Variants in ELOA observed in about 807,000 individuals in gnomAD.
ELOA encodes elongin-A.
In ELOA, 15 loss-of-function variants were observed where a neutral mutation model predicts 85.2. The ratio of observed to expected loss-of-function variants is 0.18; its 90% CI spans 0.12 to 0.27. The LOEUF is 0.27. Ranked by LOEUF, ELOA falls within the 10% of genes least tolerant of loss-of-function variation. The pLI is 1.00. For synonymous variants in ELOA, 348 were observed against 357.2 expected (o/e 0.97, Z 0.29); for missense variants, 769 against 952.7 (o/e 0.81, Z 2.54).
intron 1 of ELOA, among the ~76,000 whole-genome samples, chr1:23,748,182 T>C (rs1244969992): frequency 6.6e-6 from 1 of 152,210 alleles, no homozygotes; most frequent in East Asian, 1.9e-4. Flanking sequence ...CTAGACACTA[T>C]GACTAAGGAC....
At chr1:23,749,708 T>A in intron 2 of ELOA, 134 bp from the exon 3 acceptor site, 1 of 698,070 alleles carries the variant, frequency 1.4e-6, no homozygotes, top group Non-Finnish European at 2.4e-6. Context: ...AGTAATTTAG[T>A]GTTAAGATTT....
rs1380438148 is a variant in ELOA, at chr1:23,761,903, A to G, written c.*2330A>G. The G allele has an allele frequency of 6.6e-6, 1 of 152,158 alleles. No individual in the cohort carries two copies. The highest frequency in any genetic ancestry group is 1.9e-4 in the East Asian group (1 of 5,192). 9.4% of individuals were successfully genotyped at this position (152,158 alleles called of 1,614,324 possible). Reference sequence around the variant, plus strand: ...CTTTCTGGGAAGCGGGAGGGAAAGGAGCAAGGTGTCATCCTGCTCTTCATT... The same window carrying G: ...CTTTCTGGGAAGCGGGAGGGAAAGGGGCAAGGTGTCATCCTGCTCTTCATT... On this transcript the variant is annotated 3_prime_UTR_variant, in exon 11 of 11. Coordinates refer to ENST00000613537, the MANE Select transcript of ELOA (RefSeq NM_003198.3).
intron 1 of ELOA, among the ~76,000 whole-genome samples, chr1:23,747,551 C>T (rs1341093953): frequency 6.6e-6 from 1 of 152,158 alleles, no homozygotes; most frequent in Non-Finnish European, 1.5e-5. Context: ...TATGAGAGAA[C>T]CACTTGTTTT....
chr1:23,756,532 C>A, intron 9 of ELOA, 147 bp downstream of exon 9: 1 of 665,180 alleles, frequency 1.5e-6, no homozygotes, highest in Non-Finnish European at 2.5e-6. Flanking sequence ...GCACTTCCCT[C>A]ACCTCCCTCA....
chr1:23,759,204 A>G (rs1430619917), intron 10 of ELOA, among the ~76,000 whole-genome samples: 1 of 152,220 alleles, frequency 6.6e-6, no homozygotes, highest in East Asian at 1.9e-4. Flanking sequence ...AAAACAAGAA[A>G]GTCTGACAGA....
chr1:23,752,943 C>CA (rs1190281899), intron 5 of ELOA, among the ~76,000 whole-genome samples: 1 of 150,906 alleles, frequency 6.6e-6, no homozygotes, highest in Non-Finnish European at 1.5e-5. Context: ...AACTCTATTT[C>CA]AAAAAAAAGG....
chr1:23,750,771 G>T, intron 3 of ELOA, 74 bp from the exon 4 acceptor site: 2 of 1,393,288 alleles, frequency 1.4e-6, no homozygotes, highest in Non-Finnish European at 1.9e-6. Context: ...TCTTTGGTGA[G>T]TTCAGATTCT....
At position 23,750,849 on chromosome 1, in the gene ELOA, GCTGAGC is replaced by G; in HGVS notation, c.249_254del (p.Glu83_Pro84del). The G allele has an allele frequency of 6.4e-7, 1 of 1,573,204 alleles. No homozygotes were observed. Among genetic ancestry groups the G allele is most frequent in the Non-Finnish European group, 8.6e-7 (1 of 1,164,340 alleles). ...CTGCTTTTTCTTTTATTTTAGAAAT[GCTGAGC>G]CTGATGAACAGGACTTTGAGAAGAG... On this transcript the variant is annotated inframe_deletion, in exon 4 of 11. Transcript: ENST00000613537.
rs2124458433 is a variant in ELOA, at chr1:23,749,876, G to A, written c.167G>A (p.Arg56Gln). Residue 56 changes from arginine to glutamine, a missense_variant, in exon 3 of 11, where the codon CGA becomes CAA. By Grantham distance (43) the Arg-to-Gln change is conservative (BLOSUM62 1). Coordinates refer to ENST00000613537, the MANE Select transcript of ELOA (RefSeq NM_003198.3). ...GTTGGGAAAACAGTAAATAGCTTGC[G>A]AAAACACGAGCATGTTGGAAGCTTT... ...TGVGKTVNSL[R>Q]KHEHVGSFAR... 1.2e-6 allele frequency: 2 copies of A among 1,613,930 alleles called. No individual in the cohort carries two copies. The highest frequency in any genetic ancestry group is 2.2e-5 in the East Asian group (1 of 44,870).
At chr1:23,758,885 G>T (rs775180657) in intron 10 of ELOA, among the ~76,000 whole-genome samples, 5 of 152,126 alleles carry the variant, frequency 3.3e-5, no homozygotes, top group Admixed American at 1.3e-4. Context: ...GCAAAGTTAA[G>T]TTATGACTGA....
Position 23,759,762 on chromosome 1 carries a change from C to A in ELOA, c.*189C>A. On this transcript the variant is annotated 3_prime_UTR_variant, in exon 11 of 11. Coordinates refer to ENST00000613537, the MANE Select transcript of ELOA (RefSeq NM_003198.3). ...CAGCCCCGCCTCCCTGCCTGGAGCA[C>A]ACTTTAGAATTCTGAAGATGTGAAG... 1 of 607,936 alleles carries A rather than the reference C, an allele frequency of 1.6e-6. No individual in the cohort carries two copies. 37.7% of individuals were successfully genotyped at this position (607,936 alleles called of 1,614,324 possible).
At chr1:23,749,650 G>C (rs1644760338) in intron 2 of ELOA, among the ~76,000 whole-genome samples, 192 bp from the exon 3 acceptor site, 1 of 152,152 alleles carries the variant, frequency 6.6e-6, no homozygotes, top group South Asian at 2.1e-4. Context: ...TCTGAACTTG[G>C]TACGCTTTGC....
At chr1:23,749,579 T>C (rs1462014545) in intron 2 of ELOA, among the ~76,000 whole-genome samples, 3 of 152,202 alleles carry the variant, frequency 2.0e-5, no homozygotes, top group African/African-American at 7.2e-5. Context: ...GATTCAGAAC[T>C]GTATGCAAAG....
chr1:23,747,177 A>G (rs1440909438), intron 1 of ELOA, among the ~76,000 whole-genome samples: 2 of 152,156 alleles, frequency 1.3e-5, no homozygotes, highest in African/African-American at 4.8e-5. Flanking sequence ...CTCCTTTACT[A>G]TGTGGGTTCT....
rs1368791134 is a variant in ELOA, at chr1:23,743,598, G to A, written c.75+20G>A. The A allele has an allele frequency of 2.7e-6, 4 of 1,475,314 alleles. No individual in the cohort carries two copies. The highest frequency in any genetic ancestry group is 3.6e-6 in the Non-Finnish European group (4 of 1,116,644). 91.4% of individuals were successfully genotyped at this position (1,475,314 alleles called of 1,614,324 possible). A position where few individuals can be genotyped will look rare whatever the true frequency, so the allele number is the denominator to read the frequency against. On this transcript the variant is annotated intron_variant, in intron 1 of 10. Coordinates refer to ENST00000613537, the MANE Select transcript of ELOA (RefSeq NM_003198.3). ...AAGAAGGTAAGCGAGGGGGCGGCGCGTAGCGGGATGGGCGTTGGGTCGGTG... is the reference window on the plus strand; with the variant it reads ...AAGAAGGTAAGCGAGGGGGCGGCGCATAGCGGGATGGGCGTTGGGTCGGTG...
chr1:23,755,003 C>G (rs1300093073), intron 7 of ELOA, among the ~76,000 whole-genome samples: 1 of 150,224 alleles, frequency 6.7e-6, no homozygotes, highest in Middle Eastern at 3.2e-3. Flanking sequence ...GAGGCCTAAT[C>G]ATGGCTTACT....
Position 23,760,520 on chromosome 1 carries a change from A to G in ELOA, c.*947A>G, listed in dbSNP as rs1039659502. ...TTTGTAGCCCTGAAGGCAACTTTAG[A>G]CATTTAAAATCCAGCACTTTAATCT... On this transcript the variant is annotated 3_prime_UTR_variant, in exon 11 of 11. Transcript: ENST00000613537. The G allele has an allele frequency of 2.0e-5, 3 of 152,182 alleles. No individual in the cohort carries two copies. Among genetic ancestry groups the G allele is most frequent in the Non-Finnish European group, 4.4e-5 (3 of 68,032 alleles). The allele number at this position is 152,182 out of a possible 1,614,324, so 9.4% of individuals were successfully genotyped here. A position where few individuals can be genotyped will look rare whatever the true frequency, so the allele number is the denominator to read the frequency against.
At position 23,754,264 on chromosome 1, in the gene ELOA, C is replaced by T. The variant is rs1644785115; in HGVS notation, c.1693+9C>T. 1 of 1,614,154 alleles carries T rather than the reference C, an allele frequency of 6.2e-7. No individual in the cohort carries two copies. Among genetic ancestry groups the T allele is most frequent in the South Asian group, 1.1e-5 (1 of 91,080 alleles). On this transcript the variant is annotated intron_variant, in intron 6 of 10. Transcript: ENST00000613537. ...TAAAAACAACATCGATTGTAAGTCACACGCTTCTCTCTAGCTCTCAAGCAC... is the reference window on the plus strand; with the variant it reads ...TAAAAACAACATCGATTGTAAGTCATACGCTTCTCTCTAGCTCTCAAGCAC...
chr1:23,744,829 C>T lies in ELOA; in HGVS notation c.75+1251C>T, dbSNP rs377129200. On this transcript the variant is annotated intron_variant, in intron 1 of 10. Transcript: ENST00000613537. The stretch of plus-strand genomic sequence containing the variant: ...GAAGTCGTGGAGGGAGGGCTAGGGC[C>T]GTGGGGGAACTGCTCTGCTGAGCCT... 3.3e-5 allele frequency among the ~76,000 whole-genome samples: 5 copies of T among 152,052 alleles called. No individual in the cohort carries two copies. In the East Asian group the frequency reaches 5.8e-4, roughly 18 times the overall value.
Sources: allele counts gnomAD v4.1 joint callset (sites outside exome capture counted in the v4.1 genomes callset), GRCh38; gene constraint gnomAD v4.1.1; transcripts MANE v1.5; gene names NCBI Gene and HGNC (gene_info 2026-07-23, HGNC 2026-07-21).